The following SMIM24 variants were observed in gnomAD, a reference collection of about 807,000 sequenced individuals.
SMIM24 encodes MAP17-related dimer.
SMIM24 carries 6 observed loss-of-function variants against 10.8 expected under a neutral mutation model. That is an observed-to-expected ratio of 0.55 (90% confidence interval 0.30 to 1.09). The LOEUF (loss-of-function observed/expected upper bound fraction) is 1.09, where lower values mean the gene tolerates loss of function less well. Ranked by LOEUF, SMIM24 falls within the 50% of genes least tolerant of loss-of-function variation. SMIM24 has a pLI of 0.06. For synonymous variants in SMIM24, 71 were observed against 62.4 expected, an observed-to-expected ratio of 1.14 and a Z score of -0.65; for missense variants, 151 against 153.4, an observed-to-expected ratio of 0.98 and a Z score of 0.08.
At chr19:3,477,381 G>A (rs1386102767) in intron 3 of SMIM24, among the ~76,000 whole-genome samples, 2 of 147,494 alleles carry the variant, frequency 1.4e-5, no homozygotes, top group East Asian at 4.2e-4. Context: ...ATGAATGGAT[G>A]GGGGGTGATG....
At chr19:3,478,725 C>G in intron 2 of SMIM24, 93 bp downstream of exon 2, 1 of 994,354 alleles carries the variant, frequency 1.0e-6, no homozygotes, top group Non-Finnish European at 1.4e-6. Context: ...GACCTTCGGA[C>G]TTTGAGGCTG....
Position 3,474,696 on chromosome 19 carries a change from G to C in SMIM24, c.*147C>G. The C allele has an allele frequency of 1.0e-6, 1 of 1,001,188 alleles. No individual in the cohort carries two copies. Among genetic ancestry groups the C allele is most frequent in the Non-Finnish European group, 1.4e-6 (1 of 712,764 alleles). 62.0% of individuals were successfully genotyped at this position (1,001,188 alleles called of 1,614,324 possible). A position where few individuals can be genotyped will look rare whatever the true frequency, so the allele number is the denominator to read the frequency against. On this transcript the variant is annotated 3_prime_UTR_variant, in exon 4 of 4. Coordinates refer to ENST00000215531, the MANE Select transcript of SMIM24 (RefSeq NM_001136503.2). The stretch of plus-strand genomic sequence containing the variant: ...AGAGAGCCCCCAATGAGGGAGGTGG[G>C]GTGGGTTCCAAGCCTTCTTCACTTG...
At chr19:3,478,631 T>A (rs1422368555) in intron 2 of SMIM24, 153 bp from the exon 3 acceptor site, 2 of 909,388 alleles carry the variant, frequency 2.2e-6, no homozygotes, top group Non-Finnish European at 3.3e-6. Flanking sequence ...GCTGCCTGGC[T>A]CGTTGTCTTG....
chr19:3,476,026 G>A (rs2122017717), intron 3 of SMIM24, among the ~76,000 whole-genome samples: 1 of 152,216 alleles, frequency 6.6e-6, no homozygotes, highest in South Asian at 2.1e-4. Flanking sequence ...TGGATCAGTG[G>A]ATGGGGGTAT....
In SMIM24 at chr19:3,480,446, G is replaced by A. The variant is rs1254384570; in HGVS notation, c.18C>T (p.Ala6=). METLG[A]LLVLEFLLLS... ...GGAGCAGAAACTCCAGCACCAGAAGGGCCCCCAGGGTCTCCATGACGGTCG... is the reference window on the plus strand; with the variant it reads ...GGAGCAGAAACTCCAGCACCAGAAGAGCCCCCAGGGTCTCCATGACGGTCG... Residue 6 remains alanine (A), a synonymous_variant, in exon 1 of 4, where the codon GCC becomes GCT. Coordinates refer to ENST00000215531, the MANE Select transcript of SMIM24 (RefSeq NM_001136503.2). The A allele has an allele frequency of 2.6e-6, 4 of 1,549,152 alleles. No individual in the cohort carries two copies. The East Asian group carries it at 7.3e-5, about 28-fold the overall frequency.
At chr19:3,477,405 G>A (rs1205843969) in intron 3 of SMIM24, among the ~76,000 whole-genome samples, 2 of 149,226 alleles carry the variant, frequency 1.3e-5, no homozygotes, top group East Asian at 4.1e-4. Context: ...GGATGGGTGA[G>A]TGGGTGGATA....
intron 3 of SMIM24, among the ~76,000 whole-genome samples, chr19:3,477,644 G>C (rs1340166417): frequency 1.4e-5 from 2 of 143,384 alleles, no homozygotes; most frequent in Non-Finnish European, 3.0e-5. Flanking sequence ...ATGGGTGAGT[G>C]GGTGGATGGG....
chr19:3,477,089 GTGAT>G (rs2082795385), intron 3 of SMIM24, among the ~76,000 whole-genome samples: 1 of 89,450 alleles, frequency 1.1e-5, no homozygotes, highest in African/African-American at 3.8e-5. Flanking sequence ...GAATAGATGG[GTGAT>G]GGATGGATGG....
intron 2 of SMIM24, 82 bp downstream of exon 2, chr19:3,478,727 TTGAGGCTGG>T: frequency 1.9e-6 from 2 of 1,059,632 alleles, no homozygotes; most frequent in South Asian, 3.1e-5. Context: ...CCTTCGGACT[TTGAGGCTGG>T]TGATGGGGGT....
At chr19:3,479,084 A>T in intron 1 of SMIM24, 155 bp from the exon 2 acceptor site, 112 of 262,556 alleles carry the variant, frequency 4.3e-4, no homozygotes, top group Middle Eastern at 1.3e-3. Context: ...TGGATGGCGT[A>T]GGGGGGTCGG....
intron 3 of SMIM24, among the ~76,000 whole-genome samples, chr19:3,477,752 G>A (rs1231724230): frequency 7.3e-6 from 1 of 137,140 alleles, no homozygotes; most frequent in African/African-American, 2.7e-5. Flanking sequence ...TGGGTGAGTG[G>A]GTGGATGGGT....
At chr19:3,480,142 G>T (rs1413769717) in intron 1 of SMIM24, among the ~76,000 whole-genome samples, 1 of 147,306 alleles carries the variant, frequency 6.8e-6, no homozygotes, top group Non-Finnish European at 1.5e-5. Context: ...AAGGCGGGGG[G>T]TTCAGCCAGG....
chr19:3,478,342 A>T, intron 3 of SMIM24, 77 bp downstream of exon 3: 6 of 1,357,922 alleles, frequency 4.4e-6, no homozygotes, highest in Non-Finnish European at 6.0e-6. Flanking sequence ...TCAGGACAGC[A>T]AGGTCATCTG....
chr19:3,477,323 T>G (rs2082797375), intron 3 of SMIM24, among the ~76,000 whole-genome samples: 1 of 113,092 alleles, frequency 8.8e-6, no homozygotes, highest in Non-Finnish European at 1.8e-5. Context: ...AGATGGTGGG[T>G]GGATGGATGG....
chr19:3,477,287 GA>G (rs2082797043), intron 3 of SMIM24, among the ~76,000 whole-genome samples: 1 of 143,646 alleles, frequency 7.0e-6, no homozygotes, highest in Non-Finnish European at 1.5e-5. Context: ...TGGATGGATG[GA>G]TGGATGGATG....
At chr19:3,479,407 T>A (rs867246046) in intron 1 of SMIM24, among the ~76,000 whole-genome samples, 1 of 54,620 alleles carries the variant, frequency 1.8e-5, no homozygotes, top group Non-Finnish European at 3.7e-5. Flanking sequence ...AAGAAGAGTC[T>A]GGGGGGTTGG....
chr19:3,479,094 G>A, intron 1 of SMIM24, 165 bp from the exon 2 acceptor site: 1 of 583,716 alleles, frequency 1.7e-6, no homozygotes, highest in Non-Finnish European at 3.0e-6. Flanking sequence ...AGGGGGGTCG[G>A]GAGGGTTTAG....
At chr19:3,477,885 G>A (rs1355240128) in intron 3 of SMIM24, among the ~76,000 whole-genome samples, 3 of 151,906 alleles carry the variant, frequency 2.0e-5, no homozygotes, top group Non-Finnish European at 4.4e-5. Context: ...TGGGTGGATG[G>A]AAGATGGAGG....
At chr19:3,477,396 G>T (rs1438669687) in intron 3 of SMIM24, among the ~76,000 whole-genome samples, 1 of 148,720 alleles carries the variant, frequency 6.7e-6, no homozygotes, top group Non-Finnish European at 1.5e-5. Context: ...GTGATGAATG[G>T]ATGGGTGAGT....
Sources: gnomAD v4.1 joint callset for allele counts (sites outside exome capture counted in the v4.1 genomes callset) on GRCh38, gnomAD v4.1.1 for gene constraint, MANE v1.5 for transcripts, NCBI Gene and HGNC (gene_info 2026-07-23, HGNC 2026-07-21) for gene names.